The following TBC1D22B variants were observed in gnomAD, a reference collection of about 807,000 sequenced individuals.
The protein encoded by TBC1D22B is chromosome 6 open reading frame 197.
TBC1D22B carries 32 observed loss-of-function variants against 69.1 expected under a neutral mutation model. The observed-to-expected ratio is 0.46, with a 90% confidence interval of 0.35 to 0.62. The LOEUF (loss-of-function observed/expected upper bound fraction) is 0.62, where lower values mean the gene tolerates loss of function less well. TBC1D22B is among the 20% of genes least tolerant of loss of function. The pLI is 0.00. For synonymous variants in TBC1D22B, 206 were observed against 229.8 expected, an observed-to-expected ratio of 0.90 and a Z score of 0.94; for missense variants, 462 against 630.9, an observed-to-expected ratio of 0.73 and a Z score of 2.87.
Position 37,312,918 on chromosome 6 carries a change from A to C in TBC1D22B, c.983A>C (p.Glu328Ala), listed in dbSNP as rs1206532243. Residue 328 changes from glutamate to alanine, a missense_variant and splice_region_variant, in exon 9 of 13, where the codon GAA becomes GCA. Transcript: ENST00000373491. ...FFVVFLSEYVEEDVENFDVTN... is the reference protein window; with the variant it reads ...FFVVFLSEYVAEDVENFDVTN... ...ACTTTCTTCACCTTTTGTTTTACAG[A>C]AGAGGATGTGGAGAACTTTGACGTG... 3 of 1,612,828 alleles carry C rather than the reference A, an allele frequency of 1.9e-6. No individual in the cohort carries two copies. The highest frequency in any genetic ancestry group is 2.5e-6 in the Non-Finnish European group (3 of 1,179,018).
chr6:37,276,843 A>G (rs990012997), intron 2 of TBC1D22B, among the ~76,000 whole-genome samples: 2 of 152,170 alleles, frequency 1.3e-5, no homozygotes, highest in African/African-American at 4.8e-5. Context: ...GTGAGCCTAG[A>G]TCGCACCACT....
intron 5 of TBC1D22B, 126 bp from the exon 6 acceptor site, chr6:37,284,210 A>C: frequency 2.0e-6 from 3 of 1,486,104 alleles, no homozygotes; most frequent in Non-Finnish European, 2.8e-6. Flanking sequence ...GCCAGAACCA[A>C]AAAGGGATTT....
At chr6:37,282,484 G>C in intron 4 of TBC1D22B, 120 bp downstream of exon 4, 1 of 1,181,934 alleles carries the variant, frequency 8.5e-7, no homozygotes, top group Non-Finnish European at 1.2e-6. Flanking sequence ...CTGACCTGGT[G>C]CCCATTGCAG....
At chr6:37,287,154 A>G (rs1767032025) in intron 7 of TBC1D22B, 82 bp downstream of exon 7, 2 of 1,095,884 alleles carry the variant, frequency 1.8e-6, no homozygotes, top group East Asian at 2.7e-5. Flanking sequence ...GGCTAATCAT[A>G]ATAGTACCTT....
intron 8 of TBC1D22B, among the ~76,000 whole-genome samples, chr6:37,298,539 GTTTTTTTT>G (rs34996865): frequency 4.2e-5 from 3 of 71,216 alleles, no homozygotes; most frequent in African/African-American, 1.8e-4. Context: ...GTTGCCTACA[GTTTTTTTT>G]TTTTTTTTTT....
intron 8 of TBC1D22B, among the ~76,000 whole-genome samples, chr6:37,294,483 T>C (rs1183706154): frequency 6.6e-6 from 1 of 152,182 alleles, no homozygotes; most frequent in Non-Finnish European, 1.5e-5. Context: ...GCCTGCCATC[T>C]AGGACTTTCA....
intron 1 of TBC1D22B, among the ~76,000 whole-genome samples, chr6:37,266,930 CTTTTT>C (rs35702920): frequency 5.5e-5 from 3 of 54,854 alleles, no homozygotes; most frequent in African/African-American, 7.5e-5. Context: ...TTTTCTTCGT[CTTTTT>C]TTTTTTTTTT....
rs1766717313 is a variant in TBC1D22B, at chr6:37,277,977, A to AT, written c.114-1327_114-1326insT. Among the ~76,000 whole-genome samples, 4 of 151,520 alleles carry AT rather than the reference A, an allele frequency of 2.6e-5. No individual in the cohort carries two copies. The South Asian group carries it at 8.3e-4, about 31-fold the overall frequency. ...GACCCTTATCTCTCAAAAAAAAAAAAGCTAGACATGGTGGTGTGCGCCTAT... is the reference window on the plus strand; with the variant it reads ...GACCCTTATCTCTCAAAAAAAAAAAATGCTAGACATGGTGGTGTGCGCCTAT... On this transcript the variant is annotated intron_variant, in intron 2 of 12. Coordinates refer to ENST00000373491, the MANE Select transcript of TBC1D22B (RefSeq NM_017772.4).
chr6:37,272,949 T>C (rs1391088435), intron 2 of TBC1D22B, among the ~76,000 whole-genome samples: 2 of 152,198 alleles, frequency 1.3e-5, no homozygotes, highest in Non-Finnish European at 2.9e-5. Flanking sequence ...CCTTTCATGA[T>C]AATTCTTTAG....
chr6:37,275,390 G>A (rs1766637928), intron 2 of TBC1D22B, among the ~76,000 whole-genome samples: 1 of 152,082 alleles, frequency 6.6e-6, no homozygotes, highest in Non-Finnish European at 1.5e-5. Flanking sequence ...GTGTATAGTT[G>A]GGGAGAATTA....
At chr6:37,305,722 G>C (rs182121016) in intron 8 of TBC1D22B, among the ~76,000 whole-genome samples, 1 of 152,098 alleles carries the variant, frequency 6.6e-6, no homozygotes, top group East Asian at 1.9e-4. Flanking sequence ...AGGTTTCACT[G>C]TGTTAGCCAG....
chr6:37,287,425 A>AT (rs1354750794), intron 7 of TBC1D22B, among the ~76,000 whole-genome samples: 1 of 152,168 alleles, frequency 6.6e-6, no homozygotes, highest in African/African-American at 2.4e-5. Context: ...TGTGTTAACC[A>AT]TTTTTTAGTG....
At chr6:37,264,645 G>C (rs1376883500) in intron 1 of TBC1D22B, among the ~76,000 whole-genome samples, 1 of 152,104 alleles carries the variant, frequency 6.6e-6, no homozygotes, top group Non-Finnish European at 1.5e-5. Flanking sequence ...TTTTTAAAAA[G>C]TAATATAAGC....
chr6:37,266,927 C>T lies in TBC1D22B; in HGVS notation c.57-2667C>T, dbSNP rs1338168067. On this transcript the variant is annotated intron_variant, in intron 1 of 12. Coordinates refer to ENST00000373491, the MANE Select transcript of TBC1D22B (RefSeq NM_017772.4). ...TAAGTTCAATTTTTAATATTTTCTT[C>T]GTCTTTTTTTTTTTTTTTTTTTTTT... 3.5e-4 allele frequency among the ~76,000 whole-genome samples: 39 copies of T among 110,974 alleles called. No individual in the cohort carries two copies. The East Asian group carries it at 9.1e-3, about 26-fold the overall frequency. 72.8% of individuals were successfully genotyped at this position (110,974 alleles called of 152,430 possible). A position where few individuals can be genotyped will look rare whatever the true frequency, so the allele number is the denominator to read the frequency against.
At chr6:37,265,164 G>A (rs1228051666) in intron 1 of TBC1D22B, among the ~76,000 whole-genome samples, 1 of 152,218 alleles carries the variant, frequency 6.6e-6, no homozygotes, top group Non-Finnish European at 1.5e-5. Flanking sequence ...CTTTGCTGAT[G>A]AAGTCCATCA....
chr6:37,293,644 G>C (rs762470554), intron 8 of TBC1D22B, among the ~76,000 whole-genome samples: 2 of 152,152 alleles, frequency 1.3e-5, no homozygotes, highest in Non-Finnish European at 2.9e-5. Flanking sequence ...CAAGGGAAAG[G>C]AAGAGTTACA....
At chr6:37,314,026 CA>C in intron 10 of TBC1D22B, 135 bp downstream of exon 10, 1 of 758,334 alleles carries the variant, frequency 1.3e-6, no homozygotes, top group Non-Finnish European at 2.3e-6. Flanking sequence ...CTGCTGGCAG[CA>C]CCGGGATCCT....
At chr6:37,282,405 G>T in intron 4 of TBC1D22B, 41 bp downstream of exon 4, 1 of 1,529,800 alleles carries the variant, frequency 6.5e-7, no homozygotes, top group South Asian at 1.3e-5. Context: ...AGCTTTGGGT[G>T]ACTGGAATTC....
Position 37,331,066 on chromosome 6 carries a change from A to C in TBC1D22B, c.1412A>C (p.Asn471Thr). The change falls in exon 13 of 13, where the codon AAC becomes ACC. Residue 471 changes from asparagine to threonine, a missense_variant. Transcript: ENST00000373491. ...CAGGGTCTCCTCATGCTGCTACAGA[A>C]CCTACCTACAATACACTGGGGCAAC... ...DFQGLLMLLQ[N>T]LPTIHWGNEE... 1.2e-6 allele frequency: 2 copies of C among 1,614,080 alleles called. No homozygotes were observed. The highest frequency in any genetic ancestry group is 1.7e-6 in the Non-Finnish European group (2 of 1,179,988).
Sources: allele counts gnomAD v4.1 joint callset (sites outside exome capture counted in the v4.1 genomes callset), GRCh38; gene constraint gnomAD v4.1.1; transcripts MANE v1.5; gene names NCBI Gene and HGNC (gene_info 2026-07-23, HGNC 2026-07-21).